HELZ: variants seen among roughly 807,000 people sequenced by gnomAD.
The protein encoded by HELZ is ATP-dependent RNA helicase with zinc finger domain.
Under a neutral mutation model 218.2 loss-of-function variants are expected in HELZ, and 23 were observed. The observed-to-expected ratio is 0.11, with a 90% CI of 0.08 to 0.15. The LOEUF (loss-of-function observed/expected upper bound fraction) is 0.15, where lower values mean the gene tolerates loss of function less well. Ranked by LOEUF, HELZ falls within the 10% of genes least tolerant of loss-of-function variation. The pLI is 1.00. For missense variants in HELZ, 1,813 were observed against 2,353.7 expected (o/e 0.77, Z 4.75); for synonymous variants, 814 against 829.4 (o/e 0.98, Z 0.32).
chr17:67,095,124 T>C (rs2036703352), intron 31 of HELZ, among the ~76,000 whole-genome samples: 1 of 152,224 alleles, frequency 6.6e-6, no homozygotes, highest in African/African-American at 2.4e-5. Context: ...ATCAACTAAA[T>C]TTATGGAATA....
At chr17:67,165,519 A>C (rs1254160025) in intron 15 of HELZ, among the ~76,000 whole-genome samples, 1 of 152,216 alleles carries the variant, frequency 6.6e-6, no homozygotes, top group Non-Finnish European at 1.5e-5. Context: ...TTGAATTGAC[A>C]CAGTGATAAA....
chr17:67,159,481 GCAGT>G (rs1299143714), intron 17 of HELZ, among the ~76,000 whole-genome samples: 5 of 152,006 alleles, frequency 3.3e-5, no homozygotes, highest in African/African-American at 4.8e-5. Flanking sequence ...ATTCAAAAGT[GCAGT>G]TAGAAATTAA....
At chr17:67,156,397 C>A (rs774143668) in intron 17 of HELZ, among the ~76,000 whole-genome samples, 15 of 152,084 alleles carry the variant, frequency 9.9e-5, no homozygotes, top group Non-Finnish European at 1.5e-4. Flanking sequence ...CCAACCTCTC[C>A]CCTCCTTTCA....
chr17:67,123,107 G>A lies in HELZ; in HGVS notation c.3493C>T (p.Pro1165Ser). ...IGNPIRAYTP[P>S]PPLGPHPNLG... Reference sequence around the variant, plus strand: ...TTTGGGTGAGGTCCAAGAGGGGGTGGAGGAGTATATGCTCTAATAGGATTG... The same window carrying A: ...TTTGGGTGAGGTCCAAGAGGGGGTGAAGGAGTATATGCTCTAATAGGATTG... The change falls in exon 26 of 33, where the codon CCA (proline) becomes TCA (serine). Residue 1165 changes from proline (P) to serine (S), a missense_variant. Pro to Ser is a moderately conservative substitution (Grantham distance 74, BLOSUM62 -1). Around this residue, in one of 4 missense-constraint regions of HELZ, gnomAD observed 938 missense variants for 1,027.5 expected, o/e 0.91. Coordinates refer to ENST00000358691, the MANE Select transcript of HELZ (RefSeq NM_014877.4). 1 of 1,613,596 alleles carries A rather than the reference G, an allele frequency of 6.2e-7. No homozygotes were observed. Among genetic ancestry groups the A allele is most frequent in the Non-Finnish European group, 8.5e-7 (1 of 1,179,546 alleles).
At chr17:67,160,136 A>G in intron 17 of HELZ, 125 bp downstream of exon 17, 1 of 630,896 alleles carries the variant, frequency 1.6e-6, no homozygotes, top group South Asian at 1.9e-5. Flanking sequence ...TTCAAAAGAC[A>G]TAACCTCTAA....
At chr17:67,103,073 A>G (rs1048399927) in intron 31 of HELZ, among the ~76,000 whole-genome samples, 6 of 152,196 alleles carry the variant, frequency 3.9e-5, no homozygotes, top group Non-Finnish European at 8.8e-5. Context: ...GTTCCCCCTC[A>G]TATCATGAAC....
intron 31 of HELZ, among the ~76,000 whole-genome samples, chr17:67,087,836 A>G (rs2036440775): frequency 6.6e-6 from 1 of 152,210 alleles, no homozygotes; most frequent in Admixed American, 6.5e-5. Flanking sequence ...AGATTTTTTT[A>G]TAGTTACCCA....
chr17:67,230,081 T>C (rs562251361), intron 3 of HELZ, among the ~76,000 whole-genome samples: 1 of 152,332 alleles, frequency 6.6e-6, no homozygotes, highest in East Asian at 1.9e-4. Context: ...TGAGATAAAC[T>C]GAATTTTCTA....
At position 67,188,344 on chromosome 17, in the gene HELZ, T is replaced by C. The variant is rs1343599128; in HGVS notation, c.1137A>G (p.Val379=). The C allele has an allele frequency of 2.4e-5, 38 of 1,612,320 alleles. No homozygotes were observed. In the Admixed American group the frequency reaches 6.2e-4, roughly 26 times the overall value. ...FGLEPVLMQR[V]MIDAASTEDL... ...CTTCTGTAGAAGCTGCATCAATCATTACTCTTTGCATGAGTACTGGTTCCA... is the reference window on the plus strand; with the variant it reads ...CTTCTGTAGAAGCTGCATCAATCATCACTCTTTGCATGAGTACTGGTTCCA... Residue 379 remains valine, a synonymous_variant, in exon 12 of 33, where the codon GTA becomes GTG. Coordinates refer to ENST00000358691, the MANE Select transcript of HELZ (RefSeq NM_014877.4). The surrounding 1 kb of genome is among the most constrained non-coding windows in gnomAD (Gnocchi z 4.1).
intron 32 of HELZ, among the ~76,000 whole-genome samples, 198 bp downstream of exon 32, chr17:67,086,631 A>ATATATATAAAAATAAATATAAATAT (rs1598183996): frequency 6.9e-4 from 64 of 93,292 alleles, no homozygotes; most frequent in Non-Finnish European, 1.2e-3. Context: ...TATAAATATA[A>ATATATATAAAAATAAATATAAATAT]ATATATATAT....
chr17:67,135,907 C>T (rs1320627601), intron 23 of HELZ, 63 bp downstream of exon 23: 2 of 1,297,416 alleles, frequency 1.5e-6, no homozygotes, highest in South Asian at 1.3e-5. Context: ...AATAAATATA[C>T]ACATAGGGAT....
At chr17:67,105,070 T>C (rs144064427) in intron 31 of HELZ, among the ~76,000 whole-genome samples, 1 of 152,224 alleles carries the variant, frequency 6.6e-6, no homozygotes, top group East Asian at 1.9e-4. Context: ...AAGGCAGAGG[T>C]TGCAGTGAGC....
chr17:67,235,581 C>T (rs2041157651), intron 3 of HELZ, among the ~76,000 whole-genome samples: 1 of 151,832 alleles, frequency 6.6e-6, no homozygotes, highest in Non-Finnish European at 1.5e-5. Flanking sequence ...CCTGCTTCAA[C>T]CCAGCACATG....
intron 31 of HELZ, among the ~76,000 whole-genome samples, chr17:67,087,932 A>G (rs2143594822): frequency 6.6e-6 from 1 of 151,796 alleles, no homozygotes; most frequent in South Asian, 2.1e-4. Flanking sequence ...AGCAGTGGTT[A>G]GGTATCAGCC....
chr17:67,197,894 G>A (rs527804006), intron 7 of HELZ, among the ~76,000 whole-genome samples: 7 of 152,058 alleles, frequency 4.6e-5, no homozygotes, highest in African/African-American at 1.4e-4. Flanking sequence ...TTTGTAAAAC[G>A]AAGGGCTGAA....
intron 26 of HELZ, among the ~76,000 whole-genome samples, chr17:67,121,723 A>G (rs1327831846): frequency 6.6e-6 from 1 of 152,244 alleles, no homozygotes; most frequent in African/African-American, 2.4e-5. Flanking sequence ...CAAAAATTCT[A>G]AAGAAAGAGA....
At chr17:67,150,229 A>C (rs1598325879) in intron 18 of HELZ, 1 of 273,720 alleles carries the variant, frequency 3.7e-6, no homozygotes, top group East Asian at 8.6e-5. Flanking sequence ...CCTCGGGCTC[A>C]GGTGATCCTC....
chr17:67,164,606 TACC>T (rs1460919469), intron 15 of HELZ, among the ~76,000 whole-genome samples: 2 of 152,028 alleles, frequency 1.3e-5, no homozygotes, highest in African/African-American at 4.8e-5. Flanking sequence ...ATGTGGATTT[TACC>T]ACAATTAAAA....
Position 67,124,300 on chromosome 17 carries a change from G to A in HELZ, c.3388-286C>T, listed in dbSNP as rs184885044. Among the ~76,000 whole-genome samples the A allele has an allele frequency of 1.1e-4, 17 of 152,080 alleles. 1 individual carries two copies. Among genetic ancestry groups the A allele is most frequent in the Admixed American group, 6.5e-4 (10 of 15,286 alleles). On this transcript the variant is annotated intron_variant, in intron 24 of 32. Transcript: ENST00000358691. ...AATATTTTTCATTAAAATGAAATAC[G>A]CAATCAACATGATTTAAATTTTATT...
Sources: allele counts gnomAD v4.1 joint callset (sites outside exome capture counted in the v4.1 genomes callset), GRCh38; gene constraint gnomAD v4.1.1; regional missense constraint gnomAD v4.1.1; non-coding constraint Gnocchi (gnomAD v3.1); transcripts MANE v1.5; gene names NCBI Gene and HGNC (gene_info 2026-07-23, HGNC 2026-07-21).